Variants in BMPR2 observed in about 807,000 individuals in gnomAD.
The protein encoded by BMPR2 is bone morphogenetic protein receptor type 2.
Under a neutral mutation model 100.8 loss-of-function variants are expected in BMPR2, and 29 were observed. That is an observed-to-expected ratio of 0.29 (90% CI 0.21 to 0.39). BMPR2 has a LOEUF of 0.39. Ranked by LOEUF, BMPR2 falls within the 10% of genes least tolerant of loss-of-function variation. The pLI, the probability that BMPR2 is intolerant of heterozygous loss-of-function variation, is 1.00. For missense variants in BMPR2, 1,011 were observed against 1,274.5 expected, an observed-to-expected ratio of 0.79 and a Z score of 3.15; for synonymous variants, 382 against 442.3, an observed-to-expected ratio of 0.86 and a Z score of 1.71.
intron 10 of BMPR2, among the ~76,000 whole-genome samples, chr2:202,546,901 C>T (rs924686518): frequency 7.2e-6 from 1 of 138,354 alleles, no homozygotes; most frequent in East Asian, 2.1e-4. Flanking sequence ...CGTGCCCAGC[C>T]GGTGTTTTGT....
At chr2:202,398,328 T>C (rs1226570669) in intron 1 of BMPR2, among the ~76,000 whole-genome samples, 1 of 152,208 alleles carries the variant, frequency 6.6e-6, no homozygotes, top group Non-Finnish European at 1.5e-5. Flanking sequence ...GATTTCCTTT[T>C]GTTTTTAGGG....
At chr2:202,548,084 TA>T (rs59534169) in intron 10 of BMPR2, among the ~76,000 whole-genome samples, 149,177 of 149,910 alleles carry the variant, frequency 1, 74,224 homozygotes, top group South Asian at 1. Context: ...GATTCCATCT[TA>T]AAAAAAAAAA....
At chr2:202,515,204 A>C (rs180958136) in intron 5 of BMPR2, among the ~76,000 whole-genome samples, 4 of 152,310 alleles carry the variant, frequency 2.6e-5, no homozygotes, top group Admixed American at 2.6e-4. Context: ...GGAATGTATA[A>C]TATAATTGCA....
chr2:202,549,746 C>CAAAAAA (rs34226687), intron 10 of BMPR2, among the ~76,000 whole-genome samples: 2 of 119,488 alleles, frequency 1.7e-5, no homozygotes, highest in Admixed American at 8.5e-5. Flanking sequence ...GACTCTGTCT[C>CAAAAAA]AAAAAAAAAA....
intron 9 of BMPR2, among the ~76,000 whole-genome samples, chr2:202,539,498 T>C (rs1025766856): frequency 6.6e-6 from 1 of 152,112 alleles, no homozygotes; most frequent in Non-Finnish European, 1.5e-5. Flanking sequence ...ACCTAGAGAA[T>C]AGTGTATACT....
intron 1 of BMPR2, among the ~76,000 whole-genome samples, chr2:202,400,607 G>T (rs1012758220): frequency 6.6e-6 from 1 of 152,120 alleles, no homozygotes; most frequent in Non-Finnish European, 1.5e-5. Context: ...AGCACACATT[G>T]CTGTTTTTTC....
Position 202,522,134 on chromosome 2 carries a change from G to C in BMPR2, c.967+1933G>C, listed in dbSNP as rs148978471. On this transcript the variant is annotated intron_variant, in intron 7 of 12. Transcript: ENST00000374580. ...TGTTCACCCCACTGCACTCCAGCCT[G>C]AGTGACAGAGTGAGACCCTGTCTCA... 4.4e-3 allele frequency among the ~76,000 whole-genome samples: 671 copies of C among 152,238 alleles called. 2 individuals carry two copies. The highest frequency in any genetic ancestry group is 0.015 in the African/African-American group (606 of 41,544).
chr2:202,380,973 T>TC (rs1413164436), intron 1 of BMPR2, among the ~76,000 whole-genome samples: 1 of 129,644 alleles, frequency 7.7e-6, no homozygotes, highest in African/African-American at 3.0e-5. Context: ...TTCTTTTTTT[T>TC]TTTTTTTTTT....
chr2:202,445,892 A>G (rs925991771), intron 1 of BMPR2, among the ~76,000 whole-genome samples: 4 of 145,690 alleles, frequency 2.7e-5, no homozygotes, highest in Admixed American at 2.1e-4. Context: ...CTCCTGCCTC[A>G]GCCTCCCGAG....
intron 1 of BMPR2, among the ~76,000 whole-genome samples, chr2:202,413,013 C>A (rs1045658552): frequency 6.6e-6 from 1 of 152,072 alleles, no homozygotes; most frequent in Non-Finnish European, 1.5e-5. Context: ...TTATTTGTAA[C>A]CCCCAAATTA....
chr2:202,536,870 CAAA>C (rs34999694), intron 9 of BMPR2, among the ~76,000 whole-genome samples: 25 of 84,256 alleles, frequency 3.0e-4, no homozygotes, highest in African/African-American at 9.0e-4. Context: ...AACTCGGTCT[CAAA>C]AAAAAAAAAA....
chr2:202,453,419 T>C (rs1692028664), intron 1 of BMPR2, among the ~76,000 whole-genome samples: 2 of 152,148 alleles, frequency 1.3e-5, no homozygotes, highest in Admixed American at 1.3e-4. Flanking sequence ...TAAGTGGCCA[T>C]CAACAGGTGA....
chr2:202,516,880 A>G (rs938010689), intron 5 of BMPR2, among the ~76,000 whole-genome samples: 1 of 152,234 alleles, frequency 6.6e-6, no homozygotes, highest in South Asian at 2.1e-4. Flanking sequence ...GAAACAGTGT[A>G]TGAAACACAA....
Position 202,518,808 on chromosome 2 carries a change from T to C in BMPR2, c.622-14T>C. The C allele has an allele frequency of 6.2e-7, 1 of 1,610,172 alleles. No individual in the cohort carries two copies. Among genetic ancestry groups the C allele is most frequent in the Non-Finnish European group, 8.5e-7 (1 of 1,176,388 alleles). ...TGTGATATTAATACCTTGCTTTCTT[T>C]AAAACACTTGCAGCTGATTGGCCGA... On this transcript the variant is annotated splice_polypyrimidine_tract_variant and intron_variant, in intron 5 of 12. Transcript: ENST00000374580.
chr2:202,499,475 C>T (rs1486304362), intron 3 of BMPR2, among the ~76,000 whole-genome samples: 2 of 152,140 alleles, frequency 1.3e-5, no homozygotes, highest in Non-Finnish European at 2.9e-5. Context: ...GAGTCGTAAA[C>T]ATCTGTTGAC....
chr2:202,556,809 G>A (rs566094602), intron 12 of BMPR2, among the ~76,000 whole-genome samples: 86 of 150,710 alleles, frequency 5.7e-4, no homozygotes, highest in African/African-American at 1.7e-3. Context: ...ATTAGGCCAG[G>A]CGCGGTGGCT....
intron 3 of BMPR2, among the ~76,000 whole-genome samples, chr2:202,469,842 G>A (rs948260873): frequency 6.7e-6 from 1 of 149,074 alleles, no homozygotes; most frequent in African/African-American, 2.6e-5. Context: ...TGAAAGATAA[G>A]GGGGGGAAAA....
chr2:202,408,909 C>T (rs976233365), intron 1 of BMPR2, among the ~76,000 whole-genome samples: 4 of 152,122 alleles, frequency 2.6e-5, no homozygotes, highest in Non-Finnish European at 5.9e-5. Flanking sequence ...TATTCTATGT[C>T]TGGACATGTC....
Position 202,553,333 on chromosome 2 carries a change from A to G in BMPR2, c.1586+445A>G, listed in dbSNP as rs1421562289. On this transcript the variant is annotated intron_variant, in intron 11 of 12. Transcript: ENST00000374580. ...TGACACTAAGGTTTGTAGACTTCCT[A>G]TCTAATGCTCTTTCTTATAGAATAT... Among the ~76,000 whole-genome samples, 4 of 151,960 alleles carry G rather than the reference A, an allele frequency of 2.6e-5. No individual in the cohort carries two copies. The South Asian group carries it at 8.3e-4, about 32-fold the overall frequency.
Sources: allele counts gnomAD v4.1 joint callset (sites outside exome capture counted in the v4.1 genomes callset), GRCh38; gene constraint gnomAD v4.1.1; transcripts MANE v1.5; gene names NCBI Gene and HGNC (gene_info 2026-07-23, HGNC 2026-07-21).